PEBP4: variants seen among roughly 807,000 people sequenced by gnomAD.
PEBP4 encodes the protein phosphatidylethanolamine-binding protein 4.
Under a neutral mutation model 23.9 loss-of-function variants are expected in PEBP4, and 22 were observed. The observed-to-expected ratio is 0.92, with a 90% CI of 0.66 to 1.31. The LOEUF (loss-of-function observed/expected upper bound fraction) is 1.31. PEBP4 is among the 40% of genes most tolerant of loss of function. PEBP4 has a pLI of 0.00. For missense variants in PEBP4, 324 were observed against 281.7 expected, an observed-to-expected ratio of 1.15 and a Z score of -1.07; for synonymous variants, 112 against 99.3, an observed-to-expected ratio of 1.13 and a Z score of -0.76.
Position 22,775,966 on chromosome 8 carries a change from T to C in PEBP4, c.357+41671A>G, listed in dbSNP as rs1313150038. 6.6e-6 allele frequency among the ~76,000 whole-genome samples: 1 copy of C among 151,656 alleles called. No homozygotes were observed. The highest frequency in any genetic ancestry group is 1.5e-5 in the Non-Finnish European group (1 of 67,920). ...TGGTCTGGGCTCACCCCTGGAACAA[T>C]GGGGGTTGCAGATGCACACAGAGGG... is the stretch of plus-strand genomic sequence containing the variant. On this transcript the variant is annotated intron_variant, in intron 4 of 6. Transcript: ENST00000256404. This position sits in a 1 kb window ranked among gnomAD's most constrained non-coding sequence, Gnocchi z 4.8.
rs1218528416 is a variant in PEBP4 at position 22,713,312 on chromosome 8, A to G, written c.*58T>C. Reference sequence around the variant, plus strand: ...GTTCTGTATCCAGAGGGGGTTCCATACCCACATCGTCGGTGGTGGGCAGTG... The same window carrying G: ...GTTCTGTATCCAGAGGGGGTTCCATGCCCACATCGTCGGTGGTGGGCAGTG... On this transcript the variant is annotated 3_prime_UTR_variant, in exon 7 of 7. Transcript: ENST00000256404. 1 of 1,516,230 alleles carries G rather than the reference A, an allele frequency of 6.6e-7. No homozygotes were observed. Among genetic ancestry groups the G allele is most frequent in the Non-Finnish European group, 8.8e-7 (1 of 1,134,846 alleles). 93.9% of individuals were successfully genotyped at this position (1,516,230 alleles called of 1,614,324 possible).
chr8:22,887,909 T>A (rs1483722383), intron 3 of PEBP4: 1 of 152,212 alleles, frequency 6.6e-6, no homozygotes, highest in Non-Finnish European at 1.5e-5. Flanking sequence ...AGTAGGTAAC[T>A]GAGTGGGAGG....
intron 3 of PEBP4, chr8:22,887,087 C>CGTG (rs1266316972): frequency 1.3e-4 from 17 of 129,178 alleles, no homozygotes; most frequent in Non-Finnish European, 2.5e-4. Context: ...GAGGACACTC[C>CGTG]TAGTGTGTGT....
chr8:22,904,640 TTAA>T (rs1418068759), intron 3 of PEBP4, among the ~76,000 whole-genome samples: 3 of 152,216 alleles, frequency 2.0e-5, no homozygotes, highest in Non-Finnish European at 2.9e-5. Context: ...AGATCCAATG[TTAA>T]CATTTTGATA....
At chr8:22,922,232 G>T (rs1809218544) in intron 2 of PEBP4, among the ~76,000 whole-genome samples, 1 of 152,120 alleles carries the variant, frequency 6.6e-6, no homozygotes, top group South Asian at 2.1e-4. Flanking sequence ...TGGGAAAGGG[G>T]CATGTGCAGG....
chr8:22,777,250 T>C (rs1233120830), intron 4 of PEBP4, among the ~76,000 whole-genome samples: 1 of 151,994 alleles, frequency 6.6e-6, no homozygotes, highest in Non-Finnish European at 1.5e-5. Flanking sequence ...ACTCCTCCAC[T>C]CCCCTCACTT....
At chr8:22,907,786 G>A (rs1383894481) in intron 3 of PEBP4, among the ~76,000 whole-genome samples, 3 of 152,182 alleles carry the variant, frequency 2.0e-5, no homozygotes, top group Non-Finnish European at 4.4e-5. Flanking sequence ...TGGGCGTTGA[G>A]GCAGGCAGAG....
intron 4 of PEBP4, among the ~76,000 whole-genome samples, chr8:22,758,494 G>T (rs1157302242): frequency 2.0e-5 from 3 of 152,236 alleles, no homozygotes; most frequent in African/African-American, 7.2e-5. Context: ...CCTGTGGGCT[G>T]TCGTTTGCAG....
intron 6 of PEBP4, among the ~76,000 whole-genome samples, chr8:22,719,443 C>T (rs1351927992): frequency 6.6e-6 from 1 of 152,154 alleles, no homozygotes; most frequent in African/African-American, 2.4e-5. Flanking sequence ...CGCAGCTCCC[C>T]AGGATTCTGA....
Position 22,927,649 on chromosome 8 carries a change from T to A in PEBP4, c.66A>T (p.Gly22=). The A allele has an allele frequency of 6.2e-7, 1 of 1,613,988 alleles. No homozygotes were observed. The highest frequency in any genetic ancestry group is 1.1e-5 in the South Asian group (1 of 91,046). ...CACACGGGCTGTTCTCATCCTCGTC[T>A]CCAGTGACCACCATCATGAGACCCA... ...LLLGLMMVVT[G]DEDENSPCAH... The change falls in exon 2 of 7, where the codon GGA becomes GGT. Residue 22 remains glycine (G), a synonymous_variant. Transcript: ENST00000256404.
chr8:22,865,588 C>T lies in PEBP4; in HGVS notation c.259-47853G>A, dbSNP rs1461750507. On this transcript the variant is annotated intron_variant, in intron 3 of 6. Transcript: ENST00000256404. This position sits in a 1 kb window ranked among gnomAD's most constrained non-coding sequence, Gnocchi z 6.9. ...GCCGCCGGGGAAGGAATTCCCTCCG[C>T]CCGGGCGCACGCGGCCCCCCGCCCC... Among the ~76,000 whole-genome samples, 1 of 152,200 alleles carries T rather than the reference C, an allele frequency of 6.6e-6. No homozygotes were observed. The highest frequency in any genetic ancestry group is 2.4e-5 in the African/African-American group (1 of 41,446).
intron 3 of PEBP4, among the ~76,000 whole-genome samples, chr8:22,908,393 C>CAAACA (rs543936612): frequency 1.5e-4 from 21 of 141,872 alleles, no homozygotes; most frequent in Middle Eastern, 7.0e-3. Context: ...AACAAACAAA[C>CAAACA]AAAAAAAAAA....
intron 4 of PEBP4, among the ~76,000 whole-genome samples, chr8:22,728,825 T>C (rs932621383): frequency 7.9e-5 from 12 of 152,182 alleles, no homozygotes; most frequent in African/African-American, 2.7e-4. Context: ...TTCGAACTCC[T>C]GACCTCAGGT....
At chr8:22,802,482 CAAG>C (rs1443599016) in intron 4 of PEBP4, among the ~76,000 whole-genome samples, 1 of 152,256 alleles carries the variant, frequency 6.6e-6, no homozygotes, top group East Asian at 1.9e-4. Context: ...CGCCCCTGCT[CAAG>C]GGCCCACTCT....
intron 6 of PEBP4, among the ~76,000 whole-genome samples, chr8:22,717,798 C>T (rs1462807082): frequency 6.6e-6 from 1 of 152,140 alleles, no homozygotes; most frequent in Non-Finnish European, 1.5e-5. Flanking sequence ...GGGATGGTGG[C>T]CCTGAAGAGA....
At chr8:22,913,079 T>A (rs1808981275) in intron 3 of PEBP4, among the ~76,000 whole-genome samples, 1 of 152,146 alleles carries the variant, frequency 6.6e-6, no homozygotes, top group African/African-American at 2.4e-5. Flanking sequence ...TACAAATCCA[T>A]CTCTTTCTAT....
intron 6 of PEBP4, among the ~76,000 whole-genome samples, chr8:22,715,802 T>C (rs537167406): frequency 1.3e-3 from 205 of 152,252 alleles, no homozygotes; most frequent in Admixed American, 2.9e-3. Context: ...TTACACCCCC[T>C]GTTTCCTGCC....
At chr8:22,781,484 A>G (rs750075016) in intron 4 of PEBP4, among the ~76,000 whole-genome samples, 3 of 151,856 alleles carry the variant, frequency 2.0e-5, no homozygotes, top group Non-Finnish European at 1.5e-5. Context: ...TCAGCATCAC[A>G]GCTCCCGTCT....
intron 1 of PEBP4, among the ~76,000 whole-genome samples, chr8:22,936,078 T>C (rs897783713): frequency 6.8e-6 from 1 of 146,956 alleles, no homozygotes; most frequent in Non-Finnish European, 1.5e-5. Context: ...ATACTAAAGA[T>C]TGCAACAGAC....
Sources: allele counts gnomAD v4.1 joint callset (sites outside exome capture counted in the v4.1 genomes callset), GRCh38; gene constraint gnomAD v4.1.1; non-coding constraint Gnocchi (gnomAD v3.1); transcripts MANE v1.5; gene names NCBI Gene and HGNC (gene_info 2026-07-23, HGNC 2026-07-21).